The following PCDHGA2 variants were observed in gnomAD, a reference collection of about 807,000 sequenced individuals.
The protein encoded by PCDHGA2 is protocadherin gamma-A2.
In PCDHGA2, 40 loss-of-function variants were observed where a neutral mutation model predicts 59.2. The observed-to-expected ratio is 0.68, with a 90% CI of 0.52 to 0.88. The LOEUF (loss-of-function observed/expected upper bound fraction) is 0.88, where lower values mean the gene tolerates loss of function less well. PCDHGA2 is among the 40% of genes least tolerant of loss of function. The pLI, the probability that PCDHGA2 is intolerant of heterozygous loss-of-function variation, is 0.00. For missense variants in PCDHGA2, 1,226 were observed against 1,204.0 expected (o/e 1.02, Z -0.27); for synonymous variants, 560 against 526.0 (o/e 1.06, Z -0.89).
intron 1 of PCDHGA2, chr5:141,400,097 A>G: frequency 6.2e-7 from 1 of 1,614,048 alleles, no homozygotes; most frequent in Non-Finnish European, 8.5e-7. Flanking sequence ...GCCACGCTGC[A>G]CTTGGTCTTT....
At position 141,340,641 on chromosome 5, in the gene PCDHGA2, A is replaced by G; in HGVS notation, c.1670A>G (p.Asp557Gly). 1.2e-6 allele frequency: 2 copies of G among 1,614,194 alleles called. No individual in the cohort carries two copies. The highest frequency in any genetic ancestry group is 1.6e-4 in the Middle Eastern group (1 of 6,062). The change falls in exon 1 of 4, where the codon GAC (aspartate) becomes GGC (glycine). Residue 557 changes from aspartate (D) to glycine (G), a missense_variant. Transcript: ENST00000394576. ...SLSLFVLDQN[D>G]NAPEILYPAF... ...AGCCTGTTCGTGCTGGACCAGAACG[A>G]CAACGCGCCCGAGATCCTGTACCCT... is the stretch of plus-strand genomic sequence containing the variant.
chr5:141,374,735 G>A (rs760557076), intron 1 of PCDHGA2: 1 of 1,610,874 alleles, frequency 6.2e-7, no homozygotes. Flanking sequence ...CATGGATGGC[G>A]GCGACCCTGT....
intron 1 of PCDHGA2, chr5:141,390,129 T>G (rs1194598931): frequency 6.2e-7 from 1 of 1,613,936 alleles, no homozygotes; most frequent in Non-Finnish European, 8.5e-7. Flanking sequence ...TTTGCCTTAT[T>G]CCTACAATCT....
At chr5:141,376,234 G>A (rs1426358733) in intron 1 of PCDHGA2, 91 of 1,614,096 alleles carry the variant, frequency 5.6e-5, no homozygotes, top group Non-Finnish European at 7.5e-5. Flanking sequence ...TCAGACTGCA[G>A]CGCTGGCACA....
In PCDHGA2 at chr5:141,404,489, G is replaced by A. The variant is rs867768935; in HGVS notation, c.2424+63094G>A. 30 of 1,613,796 alleles carry A rather than the reference G, an allele frequency of 1.9e-5. No individual in the cohort carries two copies. The highest frequency in any genetic ancestry group is 1.3e-4 in the African/African-American group (10 of 75,048). On this transcript the variant is annotated intron_variant, in intron 1 of 3. Transcript: ENST00000394576. ...TGTCTCTATTAACTCAGACACTGGT[G>A]TGCTGTATGCTCTGTGCTCCTTTGA...
intron 1 of PCDHGA2, among the ~76,000 whole-genome samples, chr5:141,353,645 C>G (rs1267233696): frequency 6.6e-6 from 1 of 152,156 alleles, no homozygotes; most frequent in Non-Finnish European, 1.5e-5. Flanking sequence ...TATTTTGTCT[C>G]TATTAAAACA....
intron 1 of PCDHGA2, chr5:141,409,009 G>A (rs1189849996): frequency 6.2e-7 from 1 of 1,613,994 alleles, no homozygotes. Context: ...CCACTGACCA[G>A]GATGAGGGGG....
At position 141,339,450 on chromosome 5, in the gene PCDHGA2, C is replaced by A; in HGVS notation, c.479C>A (p.Ala160Glu). ...ATTCCTCTTAAGAATGCGCATGATG[C>A]AGACGTAGGTGAGAACGCCCTTCAG... ...FRIPLKNAHD[A>E]DVGENALQKY... is the part of the protein sequence containing the mutation. Residue 160 changes from alanine to glutamate, a missense_variant, in exon 1 of 4, where the codon GCA becomes GAA. By Grantham distance (107) the Ala-to-Glu change is moderately radical (BLOSUM62 -1). Coordinates refer to ENST00000394576, the MANE Select transcript of PCDHGA2 (RefSeq NM_018915.4). The A allele has an allele frequency of 6.2e-7, 1 of 1,614,234 alleles. No homozygotes were observed. Among genetic ancestry groups the A allele is most frequent in the Non-Finnish European group, 8.5e-7 (1 of 1,180,050 alleles).
At chr5:141,393,961 T>C (rs775398827) in intron 1 of PCDHGA2, 1 of 1,613,960 alleles carries the variant, frequency 6.2e-7, no homozygotes, top group South Asian at 1.1e-5. Flanking sequence ...GGTCAAGTTG[T>C]CTGTTACACA....
In PCDHGA2 at chr5:141,372,255, C is replaced by T. The variant is rs1309371884; in HGVS notation, c.2424+30860C>T. 3.7e-6 allele frequency: 6 copies of T among 1,613,018 alleles called. No individual in the cohort carries two copies. The East Asian group carries it at 1.1e-4, about 30-fold the overall frequency. On this transcript the variant is annotated intron_variant, in intron 1 of 3. Coordinates refer to ENST00000394576, the MANE Select transcript of PCDHGA2 (RefSeq NM_018915.4). ...CGAGCCCGGGCTGTTCAGCCTGGGCCTGCGCACGGGTGAGGTGCGCACGGC... is the reference window on the plus strand; with the variant it reads ...CGAGCCCGGGCTGTTCAGCCTGGGCTTGCGCACGGGTGAGGTGCGCACGGC...
intron 1 of PCDHGA2, chr5:141,478,753 G>A (rs2099475642): frequency 2.0e-6 from 3 of 1,519,424 alleles, no homozygotes; most frequent in Admixed American, 2.1e-5. Context: ...ATTTCAGGGG[G>A]AAGATACTTG....
chr5:141,384,787 C>T (rs761655907), intron 1 of PCDHGA2: 32 of 1,613,552 alleles, frequency 2.0e-5, no homozygotes, highest in Non-Finnish European at 2.4e-5. Flanking sequence ...GCGCACGGCT[C>T]GGGCCCTGCT....
chr5:141,489,962 C>A lies in PCDHGA2; in HGVS notation c.2425-4845C>A. The A allele has an allele frequency of 6.2e-7, 1 of 1,614,184 alleles. No individual in the cohort carries two copies. The highest frequency in any genetic ancestry group is 8.5e-7 in the Non-Finnish European group (1 of 1,180,008). ...CTGGACATCAATGATAATGCTCCAA[C>A]CTTCCAATCCTCAGTTCTACGTGTG... is the stretch of plus-strand genomic sequence containing the variant. On this transcript the variant is annotated intron_variant, in intron 1 of 3. Transcript: ENST00000394576. This position sits in a 1 kb window ranked among gnomAD's most constrained non-coding sequence, Gnocchi z 4.5.
At chr5:141,358,490 C>A (rs552020096) in intron 1 of PCDHGA2, among the ~76,000 whole-genome samples, 3 of 152,260 alleles carry the variant, frequency 2.0e-5, no homozygotes, top group Admixed American at 2.0e-4. Context: ...TTAGATATAA[C>A]TTTAACAGGA....
intron 1 of PCDHGA2, chr5:141,361,945 C>T (rs1762247268): frequency 6.2e-7 from 1 of 1,604,808 alleles, no homozygotes; most frequent in African/African-American, 1.3e-5. Flanking sequence ...CAACGCTTGG[C>T]TGTCCTACCA....
chr5:141,364,680 A>G (rs751537197), intron 1 of PCDHGA2: 1 of 1,614,008 alleles, frequency 6.2e-7, no homozygotes, highest in Non-Finnish European at 8.5e-7. Flanking sequence ...ATGAAAATTT[A>G]TGGAGTAGAA....
At chr5:141,390,486 G>A (rs1348752991) in intron 1 of PCDHGA2, 3 of 649,258 alleles carry the variant, frequency 4.6e-6, no homozygotes, top group Non-Finnish European at 7.7e-6. Context: ...ACATTTGTTT[G>A]TTTTTTAGCC....
At chr5:141,362,593 A>G (rs777823530) in intron 1 of PCDHGA2, 1 of 1,589,406 alleles carries the variant, frequency 6.3e-7, no homozygotes, top group Non-Finnish European at 8.6e-7. Context: ...TTCTGGTTTT[A>G]TTGTTTCACC....
intron 1 of PCDHGA2, chr5:141,352,838 A>G: frequency 1.4e-6 from 1 of 719,242 alleles, no homozygotes; most frequent in African/African-American, 1.8e-5. Flanking sequence ...AATTACAAAA[A>G]TTAGTTGGGT....
Sources: allele counts gnomAD v4.1 joint callset (sites outside exome capture counted in the v4.1 genomes callset), GRCh38; gene constraint gnomAD v4.1.1; non-coding constraint Gnocchi (gnomAD v3.1); transcripts MANE v1.5; gene names NCBI Gene and HGNC (gene_info 2026-07-23, HGNC 2026-07-21).